Variants in ETV3 observed in about 807,000 individuals in gnomAD.
ETV3 encodes ETS variant transcription factor 3.
A neutral mutation model predicts 33.0 loss-of-function variants in ETV3; 8 were observed. The ratio of observed to expected loss-of-function variants is 0.24; its 90% CI spans 0.14 to 0.44. The LOEUF (loss-of-function observed/expected upper bound fraction) is 0.44, where lower values mean the gene tolerates loss of function less well. Among genes scored for constraint, ETV3 ranks in the 20% least tolerant of loss-of-function variants. ETV3 has a pLI of 1.00. For missense variants in ETV3, 473 were observed against 652.3 expected (o/e 0.73, Z 2.99); for synonymous variants, 222 against 238.9 (o/e 0.93, Z 0.65).
intron 4 of ETV3, chr1:157,133,864 G>T: frequency 7.5e-7 from 1 of 1,336,086 alleles, no homozygotes; most frequent in Non-Finnish European, 9.6e-7. Flanking sequence ...TAGTATCTAG[G>T]AGATTACAAA....
chr1:157,137,725 A>C (rs1675154964), intron 1 of ETV3, among the ~76,000 whole-genome samples: 1 of 151,396 alleles, frequency 6.6e-6, no homozygotes, highest in African/African-American at 2.4e-5. Flanking sequence ...CTGCCACAGA[A>C]CTCCCTCCAA....
intron 4 of ETV3, 28 bp from the exon 5 acceptor site, chr1:157,126,007 GCAT>G: frequency 6.6e-7 from 1 of 1,506,402 alleles, no homozygotes; most frequent in South Asian, 1.3e-5. Flanking sequence ...ACAAAAGCCT[GCAT>G]CAGAGGACTG....
At chr1:157,126,430 T>C (rs1032140298) in intron 4 of ETV3, among the ~76,000 whole-genome samples, 5 of 152,252 alleles carry the variant, frequency 3.3e-5, no homozygotes, top group African/African-American at 1.2e-4. Flanking sequence ...GCTCTGCAAA[T>C]AGTCTTATTT....
intron 1 of ETV3, among the ~76,000 whole-genome samples, chr1:157,137,969 C>G (rs1430942435): frequency 6.6e-6 from 1 of 152,208 alleles, no homozygotes; most frequent in Non-Finnish European, 1.5e-5. Flanking sequence ...GCGACCACTC[C>G]CCGAAGAGTG....
rs1674800036 is a variant in ETV3 at position 157,125,188 on chromosome 1, G to C, written c.1192C>G (p.Arg398Gly). The C allele has an allele frequency of 1.9e-6, 3 of 1,552,066 alleles. No homozygotes were observed. The highest frequency in any genetic ancestry group is 2.6e-6 in the Non-Finnish European group (3 of 1,147,070). Residue 398 changes from arginine to glycine, a missense_variant, in exon 5 of 5, where the codon CGA (arginine) becomes GGA (glycine). Arg to Gly is a moderately radical substitution (Grantham distance 125). Transcript: ENST00000368192. This position sits in a 1 kb window ranked among gnomAD's most constrained non-coding sequence, Gnocchi z 4.0. ...KDPESLRQSA[R>G]EKEEHTQEEG... Reference sequence around the variant, plus strand: ...TCTTGAGTGTGCTCCTCCTTCTCTCGTGCCGACTGCCTGAGGCTCTCAGGA... The same window carrying C: ...TCTTGAGTGTGCTCCTCCTTCTCTCCTGCCGACTGCCTGAGGCTCTCAGGA...
intron 4 of ETV3, among the ~76,000 whole-genome samples, chr1:157,130,084 C>T (rs746239810): frequency 6.6e-6 from 1 of 152,104 alleles, no homozygotes; most frequent in Admixed American, 6.5e-5. Flanking sequence ...CCTCGTGATC[C>T]GCCCACCTCC....
Position 157,136,665 on chromosome 1 carries a change from T to A in ETV3, c.-13-300A>T, listed in dbSNP as rs1395633687. 6.6e-6 allele frequency among the ~76,000 whole-genome samples: 1 copy of A among 151,872 alleles called. No individual in the cohort carries two copies. The highest frequency in any genetic ancestry group is 1.5e-5 in the Non-Finnish European group (1 of 67,944). On this transcript the variant is annotated intron_variant, in intron 1 of 4. Transcript: ENST00000368192. Reference sequence around the variant, plus strand: ...GACCAACCCTTCAAATGTAAAAAAATAAAAATAAAAAAGGAAGGTACAGTG... The same window carrying A: ...GACCAACCCTTCAAATGTAAAAAAAAAAAAATAAAAAAGGAAGGTACAGTG...
In ETV3 at chr1:157,136,311, A is replaced by C. The variant is rs1326463497; in HGVS notation, c.42T>G (p.Gly14=). 1 of 1,611,066 alleles carries C rather than the reference A, an allele frequency of 6.2e-7. No individual in the cohort carries two copies. Among genetic ancestry groups the C allele is most frequent in the Non-Finnish European group, 8.5e-7 (1 of 1,178,858 alleles). The part of the protein sequence containing the change: ...GCSIVEKPEG[G]GGYQFPDWAY... Reference sequence around the variant, plus strand: ...AGATGATTAACTTCTGCTCACCTCCACCTCCTTCTGGCTTTTCCACGATGC... The same window carrying C: ...AGATGATTAACTTCTGCTCACCTCCCCCTCCTTCTGGCTTTTCCACGATGC... The change falls in exon 2 of 5, where the codon GGT becomes GGG. Residue 14 remains glycine (G), a synonymous_variant. Coordinates refer to ENST00000368192, the MANE Select transcript of ETV3 (RefSeq NM_001145312.3).
At chr1:157,130,778 T>C (rs1026556275) in intron 4 of ETV3, among the ~76,000 whole-genome samples, 3 of 152,228 alleles carry the variant, frequency 2.0e-5, no homozygotes, top group East Asian at 1.9e-4. Context: ...TTGCATGTCA[T>C]TGTTAAATAA....
chr1:157,134,291 G>A, intron 3 of ETV3, 64 bp from the exon 4 acceptor site: 1 of 1,558,070 alleles, frequency 6.4e-7, no homozygotes, highest in Non-Finnish European at 8.6e-7. Flanking sequence ...ATACACTTAG[G>A]TAGCCACTGA....
Position 157,121,268 on chromosome 1 carries a change from C to G in ETV3, c.*3573G>C, listed in dbSNP as rs1674706729. The G allele has an allele frequency of 6.6e-6, 1 of 151,766 alleles. No individual in the cohort carries two copies. Among genetic ancestry groups the G allele is most frequent in the African/African-American group, 2.4e-5 (1 of 41,302 alleles). The allele number at this position is 151,766 out of a possible 1,614,324, so 9.4% of individuals were successfully genotyped here. ...TCAACTTCCATAACAAAATACAGAG[C>G]TATCAGATACCCCTGGAAAAAATAT... On this transcript the variant is annotated 3_prime_UTR_variant, in exon 5 of 5. Transcript: ENST00000368192.
chr1:157,126,205 C>A (rs1674831865), intron 4 of ETV3, among the ~76,000 whole-genome samples: 1 of 152,194 alleles, frequency 6.6e-6, no homozygotes, highest in African/African-American at 2.4e-5. Context: ...TCCTTACTGT[C>A]AAAAACATTG....
intron 4 of ETV3, 112 bp downstream of exon 4, chr1:157,134,000 A>C: frequency 6.7e-7 from 1 of 1,503,188 alleles, no homozygotes; most frequent in South Asian, 1.4e-5. Context: ...AAAGGATCAC[A>C]TTATTTTAGT....
At chr1:157,132,423 T>A (rs371737954) in intron 4 of ETV3, among the ~76,000 whole-genome samples, 1 of 152,220 alleles carries the variant, frequency 6.6e-6, no homozygotes, top group East Asian at 1.9e-4. Flanking sequence ...TCCCAGGGCT[T>A]ATGAATGCCC....
chr1:157,134,061 A>G (rs1675035594), intron 4 of ETV3, 51 bp downstream of exon 4: 1 of 1,588,866 alleles, frequency 6.3e-7, no homozygotes, highest in Non-Finnish European at 8.5e-7. Flanking sequence ...GATTTTTAAA[A>G]ATTCTTTTCA....
chr1:157,135,671 T>C lies in ETV3; in HGVS notation c.84A>G (p.Ser28=), dbSNP rs144461001. The part of the protein sequence containing the change: ...QFPDWAYKTE[S]SPGSRQIQLW... ...GCTGGATCTGCCGGGAGCCTGGGGA[T>C]GACTCTGTTTTGTAGGCCCAGTCAG... Residue 28 remains serine, a synonymous_variant, in exon 3 of 5, where the codon TCA becomes TCG. Transcript: ENST00000368192. 304 of 1,614,098 alleles carry C rather than the reference T, an allele frequency of 1.9e-4. No individual in the cohort carries two copies. Among genetic ancestry groups the C allele is most frequent in the Non-Finnish European group, 2.4e-4 (282 of 1,180,042 alleles).
In ETV3 at chr1:157,124,765, C is replaced by CCCCCCGAA; in HGVS notation, c.*75_*76insTTCGGGGG. 31 of 408,016 alleles carry CCCCCCGAA rather than the reference C, an allele frequency of 7.6e-5. No homozygotes were observed. Among genetic ancestry groups the CCCCCCGAA allele is most frequent in the South Asian group, 5.7e-4 (8 of 14,094 alleles). The allele number at this position is 408,016 out of a possible 1,614,324, so 25.3% of individuals were successfully genotyped here. On this transcript the variant is annotated 3_prime_UTR_variant, in exon 5 of 5. Coordinates refer to ENST00000368192, the MANE Select transcript of ETV3 (RefSeq NM_001145312.3). ...CAAACCAGTTTAACTCCCTCCCCCC[C>CCCCCCGAA]ACCCTGAAATCTTGCTACATAAATA... is the stretch of plus-strand genomic sequence containing the variant.
intron 4 of ETV3, among the ~76,000 whole-genome samples, chr1:157,128,835 A>G (rs1674903519): frequency 6.6e-6 from 1 of 152,172 alleles, no homozygotes; most frequent in Non-Finnish European, 1.5e-5. Context: ...AGATTAGATG[A>G]ATATGTTTGG....
rs1236691440 is a variant in ETV3 at position 157,125,271 on chromosome 1, G to A, written c.1109C>T (p.Thr370Met). 5.8e-6 allele frequency: 9 copies of A among 1,552,000 alleles called. No individual in the cohort carries two copies. Among genetic ancestry groups the A allele is most frequent in the South Asian group, 2.4e-5 (2 of 84,056 alleles). Residue 370 changes from threonine to methionine, a missense_variant, in exon 5 of 5, where the codon ACG (threonine) becomes ATG (methionine). Physicochemically the swap from Thr to Met is moderately conservative, Grantham distance 81 (BLOSUM62 -1). Around this residue, in one of 3 missense-constraint regions of ETV3, gnomAD observed 410 missense variants for 520.2 expected, o/e 0.79. Coordinates refer to ENST00000368192, the MANE Select transcript of ETV3 (RefSeq NM_001145312.3). The surrounding 1 kb of genome is among the most constrained non-coding windows in gnomAD (Gnocchi z 4.0). ...ESSEESAPVT[T>M]PTMASIPPRI... ...TGGGGGAATAGAAGCCATGGTGGGC[G>A]TGGTGACTGGTGCTGACTCCTCGCT...
Sources: allele counts gnomAD v4.1 joint callset (sites outside exome capture counted in the v4.1 genomes callset), GRCh38; gene constraint gnomAD v4.1.1; regional missense constraint gnomAD v4.1.1; non-coding constraint Gnocchi (gnomAD v3.1); transcripts MANE v1.5; gene names NCBI Gene and HGNC (gene_info 2026-07-23, HGNC 2026-07-21).